The following XKR9 variants were observed in gnomAD, a reference collection of about 807,000 sequenced individuals.
XKR9 encodes the protein XK related 9, also known as XK-related protein 9.
A neutral mutation model predicts 32.0 loss-of-function variants in XKR9; 32 were observed. The ratio of observed to expected loss-of-function variants is 1.00; its 90% CI spans 0.76 to 1.34. The LOEUF is 1.34. XKR9 is among the 40% of genes most tolerant of loss of function. The pLI, the probability that XKR9 is intolerant of heterozygous loss-of-function variation, is 0.00. For missense variants in XKR9, 546 were observed against 429.7 expected (o/e 1.27, Z -2.39); for synonymous variants, 168 against 143.4 (o/e 1.17, Z -1.22).
chr8:71,031,142 A>G, the XKR9 span, among the ~76,000 whole-genome samples: 7 of 152,192 alleles, frequency 4.6e-5, no homozygotes, highest in African/African-American at 1.7e-4. Flanking sequence ...AGTTGAACTC[A>G]GTTACTTGTA....
intron 2 of XKR9, among the ~76,000 whole-genome samples, chr8:70,756,992 C>T (rs1421437833): frequency 1.3e-5 from 2 of 152,094 alleles, no homozygotes; most frequent in Non-Finnish European, 2.9e-5. Flanking sequence ...TATAGATGCT[C>T]TTTATTAGGT....
At chr8:70,813,436 C>G in the XKR9 span, among the ~76,000 whole-genome samples, 1 of 152,140 alleles carries the variant, frequency 6.6e-6, no homozygotes, top group Non-Finnish European at 1.5e-5. Context: ...CCAAAATTGA[C>G]AAACATGATG....
At chr8:70,805,103 G>A in the XKR9 span, among the ~76,000 whole-genome samples, 1 of 152,142 alleles carries the variant, frequency 6.6e-6, no homozygotes, top group Non-Finnish European at 1.5e-5. Context: ...TATCAGAACT[G>A]ACTAGGAGGC....
chr8:70,829,475 G>C, the XKR9 span, among the ~76,000 whole-genome samples: 1 of 152,174 alleles, frequency 6.6e-6, no homozygotes, highest in Non-Finnish European at 1.5e-5. Context: ...TTGAGACGGA[G>C]TCTCGCCCTG....
At chr8:70,979,173 G>T in the XKR9 span, among the ~76,000 whole-genome samples, 17 of 152,094 alleles carry the variant, frequency 1.1e-4, no homozygotes, top group Non-Finnish European at 2.5e-4. Context: ...CCTTGTGATG[G>T]GTTCGAACAT....
At chr8:70,998,986 G>A in the XKR9 span, among the ~76,000 whole-genome samples, 21 of 152,152 alleles carry the variant, frequency 1.4e-4, no homozygotes, top group African/African-American at 4.6e-4. Flanking sequence ...AACCGCAGAT[G>A]AAAAGTTGGT....
the XKR9 span, among the ~76,000 whole-genome samples, chr8:70,861,070 A>G: frequency 6.6e-6 from 1 of 152,130 alleles, no homozygotes; most frequent in Non-Finnish European, 1.5e-5. Flanking sequence ...GCTGAGAAAA[A>G]TGGACATATG....
At chr8:70,808,691 G>T in the XKR9 span, among the ~76,000 whole-genome samples, 1 of 152,250 alleles carries the variant, frequency 6.6e-6, no homozygotes, top group African/African-American at 2.4e-5. Flanking sequence ...ACGGAGCCTT[G>T]CTCATTGCTA....
At chr8:70,953,890 G>C in the XKR9 span, among the ~76,000 whole-genome samples, 1 of 152,218 alleles carries the variant, frequency 6.6e-6, no homozygotes, top group African/African-American at 2.4e-5. Flanking sequence ...GAGGCAAGGC[G>C]GTGGGAAAAC....
the XKR9 span, among the ~76,000 whole-genome samples, chr8:71,024,568 G>T: frequency 1.1e-4 from 17 of 152,182 alleles, no homozygotes; most frequent in Non-Finnish European, 2.1e-4. Context: ...AAGCCAGAAT[G>T]CACTTCCTCT....
At chr8:70,833,066 C>A in the XKR9 span, among the ~76,000 whole-genome samples, 6 of 152,174 alleles carry the variant, frequency 3.9e-5, no homozygotes, top group Admixed American at 3.9e-4. Context: ...AAAAATTTTT[C>A]ATTGGTTTGT....
the XKR9 span, among the ~76,000 whole-genome samples, chr8:70,820,405 A>T: frequency 3.3e-5 from 5 of 152,226 alleles, no homozygotes; most frequent in Non-Finnish European, 5.9e-5. Context: ...TGGAGCTAGC[A>T]TCTGCTTCTG....
chr8:70,959,934 G>A, the XKR9 span, among the ~76,000 whole-genome samples: 1 of 152,064 alleles, frequency 6.6e-6, no homozygotes, highest in Non-Finnish European at 1.5e-5. Flanking sequence ...TTACACATTG[G>A]GATTAAAAAA....
At chr8:70,865,071 A>G in the XKR9 span, among the ~76,000 whole-genome samples, 1 of 152,166 alleles carries the variant, frequency 6.6e-6, no homozygotes, top group Non-Finnish European at 1.5e-5. Context: ...TTATATATCA[A>G]AGTGCCTCTC....
At chr8:71,041,343 AT>A in the XKR9 span, among the ~76,000 whole-genome samples, 1 of 152,186 alleles carries the variant, frequency 6.6e-6, no homozygotes, top group South Asian at 2.1e-4. Flanking sequence ...ATAAGTTATA[AT>A]TTTCACATCT....
At chr8:70,713,555 GAAGTA>G (rs1805990352) in intron 4 of XKR9, among the ~76,000 whole-genome samples, 1 of 152,072 alleles carries the variant, frequency 6.6e-6, no homozygotes, top group African/African-American at 2.4e-5. Context: ...GGCACAAGAA[GAAGTA>G]AAGAGCAAAG....
In XKR9 at chr8:70,674,914, T is replaced by C. The variant is rs188327056; in HGVS notation, c.-279+15T>C. 2 of 152,376 alleles carry C rather than the reference T, an allele frequency of 1.3e-5. No individual in the cohort carries two copies. Among genetic ancestry groups the C allele is most frequent in the East Asian group, 3.9e-4 (2 of 5,194 alleles). The allele number at this position is 152,376 out of a possible 1,614,324, so 9.4% of individuals were successfully genotyped here. On this transcript the variant is annotated intron_variant, in intron 2 of 4. Coordinates refer to ENST00000408926, the MANE Select transcript of XKR9 (RefSeq NM_001011720.2). ...ATATTTGACAAGTAAGTCTATGTTTTATATGTGTTATATTTGGTTGACAAG... is the reference window on the plus strand; with the variant it reads ...ATATTTGACAAGTAAGTCTATGTTTCATATGTGTTATATTTGGTTGACAAG...
the XKR9 span, among the ~76,000 whole-genome samples, chr8:70,860,407 C>T: frequency 2.6e-5 from 4 of 152,132 alleles, no homozygotes; most frequent in Non-Finnish European, 5.9e-5. Flanking sequence ...TATGATGGCA[C>T]CCTTATCTCA....
At chr8:70,878,502 A>G in the XKR9 span, among the ~76,000 whole-genome samples, 3 of 152,332 alleles carry the variant, frequency 2.0e-5, no homozygotes, top group Middle Eastern at 0.01. Flanking sequence ...CAGGGTTGCA[A>G]TCCTAGTCTC....
Sources: allele counts gnomAD v4.1 joint callset (sites outside exome capture counted in the v4.1 genomes callset), GRCh38; gene constraint gnomAD v4.1.1; transcripts MANE v1.5; gene names NCBI Gene and HGNC (gene_info 2026-07-23, HGNC 2026-07-21).